ASCC3: variants seen among roughly 807,000 people sequenced by gnomAD.
ASCC3 encodes the protein activating signal cointegrator 1 complex subunit 3.
In ASCC3, 158 loss-of-function variants were observed where a neutral mutation model predicts 256.3. The observed-to-expected ratio is 0.62, with a 90% CI of 0.54 to 0.70. ASCC3 has a LOEUF of 0.70. ASCC3 is among the 30% of genes least tolerant of loss of function. ASCC3 has a pLI of 0.00. For synonymous variants in ASCC3, 948 were observed against 883.4 expected, an observed-to-expected ratio of 1.07 and a Z score of -1.30; for missense variants, 2,259 against 2,626.0, an observed-to-expected ratio of 0.86 and a Z score of 3.05.
At chr6:100,851,919 G>A (rs1410186385) in intron 3 of ASCC3, among the ~76,000 whole-genome samples, 2 of 152,024 alleles carry the variant, frequency 1.3e-5, no homozygotes, top group Admixed American at 6.6e-5. Context: ...CAACCACCCC[G>A]GCTTGTCTTC....
chr6:100,854,666 G>A (rs533515229), intron 3 of ASCC3, among the ~76,000 whole-genome samples: 11 of 152,232 alleles, frequency 7.2e-5, no homozygotes, highest in Middle Eastern at 3.4e-3. Context: ...CTTTAAGGCA[G>A]CAACCAGCCA....
At chr6:100,780,592 A>G (rs1040028886) in intron 8 of ASCC3, among the ~76,000 whole-genome samples, 1 of 152,138 alleles carries the variant, frequency 6.6e-6, no homozygotes, top group African/African-American at 2.4e-5. Flanking sequence ...TGACAAGGCA[A>G]GGTCCTGACT....
At chr6:100,545,755 T>C (rs1309189332) in intron 36 of ASCC3, among the ~76,000 whole-genome samples, 4 of 152,122 alleles carry the variant, frequency 2.6e-5, no homozygotes, top group African/African-American at 9.7e-5. Flanking sequence ...TTAAAAAAAA[T>C]ATTTTTTGTA....
intron 36 of ASCC3, among the ~76,000 whole-genome samples, chr6:100,548,302 A>T (rs905958921): frequency 1.3e-4 from 20 of 152,092 alleles, no homozygotes; most frequent in African/African-American, 4.6e-4. Flanking sequence ...GGAATATTCT[A>T]CTATCTATGC....
chr6:100,591,604 G>C (rs1034566355), intron 34 of ASCC3, among the ~76,000 whole-genome samples: 1 of 151,966 alleles, frequency 6.6e-6, no homozygotes. Context: ...GATTTGTAGA[G>C]TAAGAATCAA....
chr6:100,632,893 C>T (rs531971686), intron 25 of ASCC3, among the ~76,000 whole-genome samples: 3 of 151,992 alleles, frequency 2.0e-5, no homozygotes, highest in Admixed American at 6.5e-5. Flanking sequence ...AAAAGCTCCT[C>T]GATGTTGGTC....
chr6:100,796,432 T>C (rs1769617999), intron 8 of ASCC3, among the ~76,000 whole-genome samples: 1 of 152,156 alleles, frequency 6.6e-6, no homozygotes, highest in African/African-American at 2.4e-5. Flanking sequence ...GAAAGAACTA[T>C]GCCCTTCAAC....
At chr6:100,828,178 A>G (rs1771424071) in intron 4 of ASCC3, among the ~76,000 whole-genome samples, 1 of 152,124 alleles carries the variant, frequency 6.6e-6, no homozygotes. Context: ...AATAGCAACA[A>G]AACAAATATT....
chr6:100,624,541 C>T (rs1159676561), intron 30 of ASCC3, among the ~76,000 whole-genome samples: 1 of 151,834 alleles, frequency 6.6e-6, no homozygotes, highest in Non-Finnish European at 1.5e-5. Context: ...GGTGATGACA[C>T]CAATAAGTAC....
chr6:100,764,777 C>T (rs1366934036), intron 10 of ASCC3, among the ~76,000 whole-genome samples: 1 of 152,156 alleles, frequency 6.6e-6, no homozygotes, highest in African/African-American at 2.4e-5. Context: ...AAAGGCCTCA[C>T]CTCCAACTAC....
At chr6:100,670,048 G>C (rs1341645923) in intron 14 of ASCC3, among the ~76,000 whole-genome samples, 2 of 151,702 alleles carry the variant, frequency 1.3e-5, no homozygotes, top group African/African-American at 4.8e-5. Context: ...GGATTAAACA[G>C]AAAAAGTTTA....
At position 100,766,676 on chromosome 6, in the gene ASCC3, C is replaced by T; in HGVS notation, c.1626G>A (p.Leu542=). 1 of 1,613,908 alleles carries T rather than the reference C, an allele frequency of 6.2e-7. No individual in the cohort carries two copies. Residue 542 remains leucine, a synonymous_variant, in exon 10 of 42, where the codon TTG becomes TTA. Coordinates refer to ENST00000369162, the MANE Select transcript of ASCC3 (RefSeq NM_006828.4). ...KIVYVAPMKA[L]AAEMTDYFSR... ...TGAAGTAATCTGTCATTTCAGCTGC[C>T]AAGGCTTTCATTGGAGCAACATATA...
intron 36 of ASCC3, among the ~76,000 whole-genome samples, chr6:100,543,211 T>C (rs1562106806): frequency 8.0e-6 from 1 of 124,680 alleles, no homozygotes; most frequent in Non-Finnish European, 1.9e-5. Context: ...AGATTACTTA[T>C]AATACTTAAT....
At chr6:100,643,726 T>C (rs1440496554) in intron 23 of ASCC3, among the ~76,000 whole-genome samples, 1 of 152,138 alleles carries the variant, frequency 6.6e-6, no homozygotes, top group East Asian at 1.9e-4. Context: ...AAAAAGTAGG[T>C]GAAAATACAG....
At chr6:100,697,373 G>A (rs1321989463) in intron 13 of ASCC3, among the ~76,000 whole-genome samples, 3 of 151,206 alleles carry the variant, frequency 2.0e-5, no homozygotes, top group Non-Finnish European at 4.4e-5. Flanking sequence ...AGAAATGGAT[G>A]GAAAAGTTGG....
chr6:100,821,311 C>T (rs1771029348), intron 4 of ASCC3, among the ~76,000 whole-genome samples: 1 of 152,166 alleles, frequency 6.6e-6, no homozygotes, highest in African/African-American at 2.4e-5. Context: ...CCACCATGTG[C>T]AGCCTCAACA....
chr6:100,585,225 C>A (rs1424196134), intron 36 of ASCC3, among the ~76,000 whole-genome samples: 1 of 152,178 alleles, frequency 6.6e-6, no homozygotes, highest in East Asian at 1.9e-4. Flanking sequence ...ACCAATCAGA[C>A]GCAGATTTGG....
chr6:100,754,891 C>T (rs1781103447), intron 10 of ASCC3, among the ~76,000 whole-genome samples: 1 of 152,148 alleles, frequency 6.6e-6, no homozygotes, highest in South Asian at 2.1e-4. Context: ...GGTGGTTCCT[C>T]TGCATGCACT....
At chr6:100,565,508 A>G (rs1258198648) in intron 36 of ASCC3, among the ~76,000 whole-genome samples, 1 of 152,208 alleles carries the variant, frequency 6.6e-6, no homozygotes, top group Non-Finnish European at 1.5e-5. Context: ...TTAGGAGCAC[A>G]GACACTGGTC....
Sources: gnomAD v4.1 joint callset for allele counts (sites outside exome capture counted in the v4.1 genomes callset) on GRCh38, gnomAD v4.1.1 for gene constraint, MANE v1.5 for transcripts, NCBI Gene and HGNC (gene_info 2026-07-23, HGNC 2026-07-21) for gene names.